The following RBFOX1 variants were observed in gnomAD, a reference collection of about 807,000 sequenced individuals.
RBFOX1 encodes the protein RNA binding fox-1 homolog 1.
A neutral mutation model predicts 57.7 loss-of-function variants in RBFOX1; 8 were observed. The observed-to-expected ratio is 0.14, with a 90% CI of 0.08 to 0.25. The LOEUF (loss-of-function observed/expected upper bound fraction) is 0.25. RBFOX1 is among the 10% of genes least tolerant of loss of function. The probability of loss-of-function intolerance (pLI) is 1.00; values close to 1 mark genes in which losing one functional copy is unlikely to be tolerated. For missense variants in RBFOX1, 611 were observed against 548.5 expected (o/e 1.11, Z -1.14); for synonymous variants, 326 against 222.4 (o/e 1.47, Z -4.15).
At chr16:6,356,595 C>T (rs1360576785) in intron 2 of RBFOX1, among the ~76,000 whole-genome samples, 1 of 152,018 alleles carries the variant, frequency 6.6e-6, no homozygotes, top group African/African-American at 2.4e-5. Flanking sequence ...ATCTTACAAC[C>T]GTCAAGGTCT....
rs761510301 is a variant in RBFOX1 at position 7,653,930 on chromosome 16, G to A, written c.873G>A (p.Pro291=). The change falls in exon 12 of 16, where the codon CCG becomes CCA. Residue 291 remains proline (P), a synonymous_variant. Transcript: ENST00000550418. ...NTFRAAAPPP[P]IPAYGGVVYQ... The stretch of plus-strand genomic sequence containing the variant: ...TCAGGGCCGCGGCGCCCCCGCCCCC[G>A]ATCCCGGCCTACGGCGGGTAAGTGG... 119 of 1,551,190 alleles carry A rather than the reference G, an allele frequency of 7.7e-5. No individual in the cohort carries two copies. Among genetic ancestry groups the A allele is most frequent in the East Asian group, 2.1e-4 (9 of 43,274 alleles).
At chr16:6,345,485 G>A (rs558618785) in intron 2 of RBFOX1, among the ~76,000 whole-genome samples, 3 of 152,296 alleles carry the variant, frequency 2.0e-5, no homozygotes, top group African/African-American at 4.8e-5. Context: ...CTAATGGAAA[G>A]CTGCTTCTCC....
chr16:6,472,710 G>A (rs576785636), intron 2 of RBFOX1, among the ~76,000 whole-genome samples: 6 of 150,742 alleles, frequency 4.0e-5, no homozygotes, highest in Admixed American at 2.7e-4. Context: ...TGCAACCTCC[G>A]CCTCCCGGTT....
intron 4 of RBFOX1, among the ~76,000 whole-genome samples, chr16:7,368,781 A>G (rs199724355): frequency 4.4e-3 from 1 of 226 alleles, no homozygotes; most frequent in Non-Finnish European, 0.014. Flanking sequence ...CTCTGTCTCA[A>G]AAAAAAAAAA....
chr16:6,624,658 C>A (rs1226633976), intron 2 of RBFOX1, among the ~76,000 whole-genome samples: 1 of 152,032 alleles, frequency 6.6e-6, no homozygotes, highest in Non-Finnish European at 1.5e-5. Flanking sequence ...TTGTTGGGTA[C>A]ATTTTGTGGC....
At chr16:7,370,223 A>G (rs956555924) in intron 4 of RBFOX1, among the ~76,000 whole-genome samples, 2 of 152,102 alleles carry the variant, frequency 1.3e-5, no homozygotes, top group African/African-American at 4.8e-5. Flanking sequence ...GGGGAGGGGA[A>G]TGGGGTAAAG....
intron 2 of RBFOX1, among the ~76,000 whole-genome samples, chr16:6,515,384 C>G (rs768059880): frequency 1.3e-5 from 2 of 152,178 alleles, no homozygotes; most frequent in African/African-American, 4.8e-5. Flanking sequence ...TTGAGCATTA[C>G]GTAAAACCAA....
chr16:6,564,100 G>A (rs985228295), intron 2 of RBFOX1, among the ~76,000 whole-genome samples: 7 of 152,002 alleles, frequency 4.6e-5, no homozygotes, highest in Non-Finnish European at 8.8e-5. Flanking sequence ...GGATGTTCTT[G>A]TAGCCTACAC....
intron 1 of RBFOX1, among the ~76,000 whole-genome samples, chr16:6,264,280 G>A (rs1015501179): frequency 1.1e-4 from 16 of 152,194 alleles, no homozygotes; most frequent in South Asian, 8.3e-4. Context: ...GTATGCAACC[G>A]TTTCCATAAC....
At chr16:7,123,027 G>A (rs1036577613) in intron 4 of RBFOX1, among the ~76,000 whole-genome samples, 1 of 152,114 alleles carries the variant, frequency 6.6e-6, no homozygotes, top group East Asian at 1.9e-4. Flanking sequence ...AAAGATCAGG[G>A]GCTGCCAGGG....
intron 2 of RBFOX1, among the ~76,000 whole-genome samples, chr16:6,457,438 T>TACCCCCCC (rs757540836): frequency 1.8e-5 from 1 of 54,228 alleles, no homozygotes; most frequent in Non-Finnish European, 3.9e-5. Context: ...TTTCCGGAAG[T>TACCCCCCC]CCCCCCCCCC....
At chr16:7,330,508 GT>G (rs59025287) in intron 4 of RBFOX1, among the ~76,000 whole-genome samples, 13 of 79,380 alleles carry the variant, frequency 1.6e-4, no homozygotes, top group South Asian at 3.8e-4. Context: ...GTGTGTGTGT[GT>G]TTGTGTGTGT....
intron 6 of RBFOX1, among the ~76,000 whole-genome samples, chr16:7,582,801 A>T (rs983508380): frequency 1.4e-4 from 21 of 152,186 alleles, no homozygotes; most frequent in Non-Finnish European, 2.9e-5. Context: ...AACAGTCACA[A>T]AGATCTTTGT....
At chr16:7,249,594 C>G (rs1264240154) in intron 4 of RBFOX1, among the ~76,000 whole-genome samples, 2 of 135,368 alleles carry the variant, frequency 1.5e-5, no homozygotes, top group Non-Finnish European at 1.5e-5. Context: ...TCATAGGCTT[C>G]TTTCTTTAAA....
chr16:6,271,730 A>T (rs1429563584), intron 1 of RBFOX1, among the ~76,000 whole-genome samples: 4 of 152,194 alleles, frequency 2.6e-5, no homozygotes, highest in African/African-American at 4.8e-5. Context: ...GTAAAATACA[A>T]ACCATCATAT....
At chr16:5,468,329 A>G (rs1485045278) in intron 2 of RBFOX1, among the ~76,000 whole-genome samples, 1 of 152,092 alleles carries the variant, frequency 6.6e-6, no homozygotes, top group East Asian at 1.9e-4. Flanking sequence ...CCCTGTACCC[A>G]TTAAGCAGTC....
At chr16:6,615,628 C>A (rs892534041) in intron 2 of RBFOX1, among the ~76,000 whole-genome samples, 1 of 152,132 alleles carries the variant, frequency 6.6e-6, no homozygotes, top group Non-Finnish European at 1.5e-5. Flanking sequence ...TCCTCATTTC[C>A]TCAAAATAAA....
chr16:7,340,822 C>G (rs1300873006), intron 4 of RBFOX1, among the ~76,000 whole-genome samples: 1 of 152,186 alleles, frequency 6.6e-6, no homozygotes, highest in Non-Finnish European at 1.5e-5. Context: ...TAAAGGGACA[C>G]TGTCAATCTC....
At chr16:6,797,812 T>C (rs544781857) in intron 3 of RBFOX1, among the ~76,000 whole-genome samples, 2 of 152,292 alleles carry the variant, frequency 1.3e-5, no homozygotes, top group East Asian at 3.9e-4. Context: ...TAACACAACA[T>C]TATGTCTGCA....
Sources: gnomAD v4.1 joint callset for allele counts (sites outside exome capture counted in the v4.1 genomes callset) on GRCh38, gnomAD v4.1.1 for gene constraint, MANE v1.5 for transcripts, NCBI Gene and HGNC (gene_info 2026-07-23, HGNC 2026-07-21) for gene names.